CHD9: variants seen among roughly 807,000 people sequenced by gnomAD.
CHD9 encodes the protein ATP-dependent chromatin remodeler CHD9.
Under a neutral mutation model 316.1 loss-of-function variants are expected in CHD9, and 77 were observed. The observed-to-expected ratio is 0.24, with a 90% CI of 0.20 to 0.29. CHD9 has a LOEUF of 0.29. Ranked by LOEUF, CHD9 falls within the 10% of genes least tolerant of loss-of-function variation. The pLI is 1.00. For missense variants in CHD9, 2,763 were observed against 3,438.1 expected (o/e 0.80, Z 4.91); for synonymous variants, 1,129 against 1,158.3 (o/e 0.97, Z 0.51).
intron 2 of CHD9, among the ~76,000 whole-genome samples, chr16:53,193,403 C>A (rs967727395): frequency 5.3e-5 from 8 of 151,846 alleles, no homozygotes; most frequent in Admixed American, 3.3e-4. Context: ...GAGCCGAGAT[C>A]ACGCCACTGC....
chr16:53,109,611 G>T (rs550978557), intron 1 of CHD9, among the ~76,000 whole-genome samples: 1 of 148,342 alleles, frequency 6.7e-6, no homozygotes, highest in African/African-American at 2.5e-5. Flanking sequence ...CTGGGATTAC[G>T]GGTGTGAGCC....
In CHD9 at chr16:53,156,818, G is replaced by C. The variant is rs370484239; in HGVS notation, c.729G>C (p.Lys243Asn). 6.2e-6 allele frequency: 10 copies of C among 1,613,652 alleles called. No homozygotes were observed. The African/African-American group carries it at 8.0e-5, about 13-fold the overall frequency. The change falls in exon 2 of 39, where the codon AAG (lysine) becomes AAC (asparagine). Residue 243 changes from lysine (K) to asparagine (N), a missense_variant. By Grantham distance (94) the Lys-to-Asn change is moderately conservative. Coordinates refer to ENST00000447540, the MANE Select transcript of CHD9 (RefSeq NM_001308319.2). ...QTSNPSAHFH[K>N]CSSHQEGNFN... ...CAAATCCTTCAGCACACTTCCACAA[G>C]TGTAGCAGTCATCAAGAAGGAAATT...
At chr16:53,186,710 A>T (rs2044042215) in intron 2 of CHD9, among the ~76,000 whole-genome samples, 1 of 152,176 alleles carries the variant, frequency 6.6e-6, no homozygotes, top group Non-Finnish European at 1.5e-5. Flanking sequence ...TAATTGAATC[A>T]TGGGGGTGGT....
intron 17 of CHD9, chr16:53,250,620 A>G (rs2050047848): frequency 1.3e-5 from 2 of 152,254 alleles, no homozygotes; most frequent in Admixed American, 1.3e-4. Context: ...ATAATATAGT[A>G]TGCTTTTTTA....
chr16:53,215,151 C>T (rs947868512), intron 3 of CHD9, among the ~76,000 whole-genome samples: 1 of 152,100 alleles, frequency 6.6e-6, no homozygotes, highest in Non-Finnish European at 1.5e-5. Context: ...CTCCTGACCT[C>T]GCGATCCGCC....
chr16:53,141,139 CAG>C (rs1466272295), intron 1 of CHD9, among the ~76,000 whole-genome samples: 2 of 152,224 alleles, frequency 1.3e-5, no homozygotes, highest in South Asian at 2.1e-4. Context: ...AATTTGAAAA[CAG>C]AGTGTTTACA....
intron 1 of CHD9, among the ~76,000 whole-genome samples, chr16:53,094,799 C>T (rs11859251): frequency 0.43 from 64,763 of 151,638 alleles, 14,660 homozygotes; most frequent in East Asian, 0.59. Context: ...ACCACCACAC[C>T]CCACTAATTT....
At chr16:53,254,712 T>C (rs773911032) in intron 18 of CHD9, 107 bp downstream of exon 18, 115 of 959,460 alleles carry the variant, frequency 1.2e-4, no homozygotes, top group Non-Finnish European at 1.7e-4. Flanking sequence ...ACTAAACACA[T>C]TTGTTTTCTG....
chr16:53,317,619 A>T (rs1294353881), intron 36 of CHD9, among the ~76,000 whole-genome samples: 3 of 152,184 alleles, frequency 2.0e-5, no homozygotes, highest in Non-Finnish European at 4.4e-5. Flanking sequence ...CAGCCCCAAC[A>T]AATACCTGGG....
At chr16:53,287,566 A>G (rs1452734585) in intron 26 of CHD9, among the ~76,000 whole-genome samples, 1 of 152,186 alleles carries the variant, frequency 6.6e-6, no homozygotes, top group East Asian at 1.9e-4. Context: ...CGTCTCTACT[A>G]AAGATACAGA....
chr16:53,281,815 CTCAACTCAAGTATT>C (rs374657380), intron 24 of CHD9, among the ~76,000 whole-genome samples: 8 of 152,168 alleles, frequency 5.3e-5, no homozygotes, highest in African/African-American at 1.7e-4. Flanking sequence ...TTACTCGGAT[CTCAACTCAAGTATT>C]TCCTTCTCAG....
At chr16:53,314,111 T>A (rs981730360) in intron 34 of CHD9, among the ~76,000 whole-genome samples, 3 of 151,892 alleles carry the variant, frequency 2.0e-5, no homozygotes, top group African/African-American at 7.3e-5. Flanking sequence ...GGAAAAGGCA[T>A]GCTTCCTTCT....
At chr16:53,076,301 G>A (rs1452706053) in intron 1 of CHD9, among the ~76,000 whole-genome samples, 1 of 152,130 alleles carries the variant, frequency 6.6e-6, no homozygotes, top group Non-Finnish European at 1.5e-5. Context: ...TAGGCTGGGT[G>A]TGATGGCTCT....
intron 2 of CHD9, among the ~76,000 whole-genome samples, chr16:53,171,911 G>A: frequency 7.0e-6 from 1 of 143,280 alleles, no homozygotes; most frequent in Non-Finnish European, 1.5e-5. Flanking sequence ...CAGCAGGAAA[G>A]TACCCCCTCA....
At chr16:53,155,384 G>A (rs1331375614) in intron 1 of CHD9, among the ~76,000 whole-genome samples, 4 of 151,828 alleles carry the variant, frequency 2.6e-5, no homozygotes, top group East Asian at 1.9e-4. Flanking sequence ...CACCATGGCC[G>A]AGTAGTTTTG....
In CHD9 at chr16:53,254,517, G is replaced by C. The variant is rs2050410243; in HGVS notation, c.3941G>C (p.Arg1314Thr). ...CTGGTAACTCGTAACTCATATGAGA[G>C]AGAGATGTTTGACCGAGCCAGTTTG... ...YRLVTRNSYE[R>T]EMFDRASLKL... Residue 1314 changes from arginine to threonine, a missense_variant, in exon 18 of 39, where the codon AGA becomes ACA. Arg to Thr is a moderately conservative substitution (Grantham distance 71, BLOSUM62 -1). Around this residue, in one of 15 missense-constraint regions of CHD9, gnomAD observed 199 missense variants for 251.7 expected, o/e 0.79. Coordinates refer to ENST00000447540, the MANE Select transcript of CHD9 (RefSeq NM_001308319.2). The C allele has an allele frequency of 6.2e-7, 1 of 1,612,996 alleles. No individual in the cohort carries two copies. Among genetic ancestry groups the C allele is most frequent in the Non-Finnish European group, 8.5e-7 (1 of 1,179,424 alleles).
chr16:53,096,760 G>A (rs1264915775), intron 1 of CHD9, among the ~76,000 whole-genome samples: 2 of 152,168 alleles, frequency 1.3e-5, no homozygotes, highest in Non-Finnish European at 2.9e-5. Flanking sequence ...CACAGTTACA[G>A]AGGCTGAGAA....
At chr16:53,282,569 T>G (rs2153035648) in intron 24 of CHD9, among the ~76,000 whole-genome samples, 1 of 152,302 alleles carries the variant, frequency 6.6e-6, no homozygotes, top group East Asian at 1.9e-4. Context: ...ATTGCACCAC[T>G]GCACACCAGC....
intron 17 of CHD9, 187 bp downstream of exon 17, chr16:53,250,253 AT>A: frequency 1.8e-6 from 1 of 567,170 alleles, no homozygotes; most frequent in Non-Finnish European, 3.0e-6. Context: ...AATGACAAAA[AT>A]TTTTACTTTT....
Sources: gnomAD v4.1 joint callset for allele counts (sites outside exome capture counted in the v4.1 genomes callset) on GRCh38, gnomAD v4.1.1 for gene constraint, gnomAD v4.1.1 regional missense constraint, MANE v1.5 for transcripts, NCBI Gene and HGNC (gene_info 2026-07-23, HGNC 2026-07-21) for gene names.